DNMT3A: variants seen among roughly 807,000 people sequenced by gnomAD.
The protein encoded by DNMT3A is DNA methyltransferase 3 alpha, also known as DNA (cytosine-5)-methyltransferase 3A.
Under a neutral mutation model 117.6 loss-of-function variants are expected in DNMT3A, and 267 were observed. That is an observed-to-expected ratio of 2.27 (90% CI 2.05 to 2.51). DNMT3A has a LOEUF of 2.51. Ranked by LOEUF, DNMT3A falls within the 30% of genes most tolerant of loss-of-function variation. The pLI, the probability that DNMT3A is intolerant of heterozygous loss-of-function variation, is 0.00. For missense variants in DNMT3A, 1,029 were observed against 1,260.2 expected (o/e 0.82, Z 2.78); for synonymous variants, 432 against 474.8 (o/e 0.91, Z 1.17).
At chr2:25,250,866 C>T (rs903671555) in intron 6 of DNMT3A, among the ~76,000 whole-genome samples, 2 of 152,230 alleles carry the variant, frequency 1.3e-5, no homozygotes, top group Non-Finnish European at 2.9e-5. Flanking sequence ...GCAGCGGCAG[C>T]AGCAGGTGGG....
At chr2:25,267,667 T>C (rs2030478873) in intron 6 of DNMT3A, among the ~76,000 whole-genome samples, 1 of 152,220 alleles carries the variant, frequency 6.6e-6, no homozygotes. Context: ...TTCTAAAAAA[T>C]TATAAAGTTC....
Position 25,323,927 on chromosome 2 carries a change from G to A in DNMT3A, c.-177-9766C>T, listed in dbSNP as rs547330243. On this transcript the variant is annotated intron_variant, in intron 1 of 22. Transcript: ENST00000321117. ...AAAACTGCCCAAGGTCACACAGTGGGTAAGGGGTGGAGCCAGGCACAGTCC... is the reference window on the plus strand; with the variant it reads ...AAAACTGCCCAAGGTCACACAGTGGATAAGGGGTGGAGCCAGGCACAGTCC... 1.2e-4 allele frequency among the ~76,000 whole-genome samples: 18 copies of A among 152,280 alleles called. No homozygotes were observed. In the South Asian group the frequency reaches 1.9e-3, roughly 16 times the overall value.
chr2:25,258,181 G>A (rs917751130), intron 6 of DNMT3A, among the ~76,000 whole-genome samples: 4 of 152,224 alleles, frequency 2.6e-5, no homozygotes, highest in African/African-American at 9.7e-5. Flanking sequence ...GATGATTTGG[G>A]CTAAAAGAGA....
chr2:25,338,348 G>A (rs2035286690), intron 1 of DNMT3A, among the ~76,000 whole-genome samples: 3 of 152,236 alleles, frequency 2.0e-5, no homozygotes, highest in African/African-American at 7.2e-5. Flanking sequence ...TGGGGAGAGG[G>A]TGGTCTGTTT....
At chr2:25,319,257 G>A (rs183122614) in intron 1 of DNMT3A, among the ~76,000 whole-genome samples, 99 of 151,798 alleles carry the variant, frequency 6.5e-4, no homozygotes, top group Middle Eastern at 3.4e-3. Context: ...CTGGTGATCC[G>A]CCCGCCTTAG....
In DNMT3A at chr2:25,245,236, G is replaced by A. The variant is rs765210668; in HGVS notation, c.1554+17C>T. ...GCCGGCCTCAACGGCACCTCTCCTG[G>A]GTGGGTGTGCTCCTACCTTGCAGTT... On this transcript the variant is annotated intron_variant, in intron 13 of 22. Coordinates refer to ENST00000321117, the MANE Select transcript of DNMT3A (RefSeq NM_022552.5). 1 of 1,613,004 alleles carries A rather than the reference G, an allele frequency of 6.2e-7. No individual in the cohort carries two copies. The highest frequency in any genetic ancestry group is 1.7e-5 in the Admixed American group (1 of 60,004).
At chr2:25,245,920 G>A (rs1254127926) in intron 12 of DNMT3A, 100 bp downstream of exon 12, 23 of 1,436,632 alleles carry the variant, frequency 1.6e-5, no homozygotes, top group Non-Finnish European at 2.0e-6. Flanking sequence ...CACGCAGGAC[G>A]TGGCCCCTGG....
At position 25,237,680 on chromosome 2, in the gene DNMT3A, G is replaced by A. The variant is rs549541750; in HGVS notation, c.2409-675C>T. 2.0e-5 allele frequency among the ~76,000 whole-genome samples: 3 copies of A among 151,922 alleles called. No homozygotes were observed. Among genetic ancestry groups the A allele is most frequent in the East Asian group, 1.9e-4 (1 of 5,170 alleles). ...CTCGGGAGGCTGAGGCAGGAGAATC[G>A]CTTGAACCTGGGAGGCGGAGGCTGC... On this transcript the variant is annotated intron_variant, in intron 20 of 22. Transcript: ENST00000321117. The surrounding 1 kb of genome is among the most constrained non-coding windows in gnomAD (Gnocchi z 5.4).
chr2:25,246,112 C>G (rs781673289), intron 11 of DNMT3A, 48 bp from the exon 12 acceptor site: 2 of 1,614,196 alleles, frequency 1.2e-6, no homozygotes, highest in South Asian at 2.2e-5. Flanking sequence ...GCCTGCTCCT[C>G]GGATGCAGGC....
chr2:25,235,889 G>T, intron 21 of DNMT3A, 64 bp from the exon 22 acceptor site: 2 of 1,436,862 alleles, frequency 1.4e-6, no homozygotes, highest in Non-Finnish European at 2.0e-6. Context: ...CTGGTCATGC[G>T]TCTACCAAAT....
chr2:25,276,161 G>A (rs2031392755), intron 4 of DNMT3A, among the ~76,000 whole-genome samples: 1 of 152,046 alleles, frequency 6.6e-6, no homozygotes, highest in Admixed American at 6.6e-5. Context: ...GATTTCCAAG[G>A]TCCGCCTGCA....
chr2:25,259,231 C>T (rs1237547297), intron 6 of DNMT3A, among the ~76,000 whole-genome samples: 3 of 152,242 alleles, frequency 2.0e-5, no homozygotes, highest in Non-Finnish European at 4.4e-5. Context: ...CTTCCACCCG[C>T]TATCCTGGAA....
Position 25,280,299 on chromosome 2 carries a change from C to A in DNMT3A, c.448+2142G>T, listed in dbSNP as rs190579914. ...ATCACACACACTGCCCACTCCCCGC[C>A]TCCCCACCCCCCGCCTCCCCGCCCC... On this transcript the variant is annotated intron_variant, in intron 4 of 22. Coordinates refer to ENST00000321117, the MANE Select transcript of DNMT3A (RefSeq NM_022552.5). 5.3e-3 allele frequency among the ~76,000 whole-genome samples: 621 copies of A among 118,268 alleles called. 7 individuals are homozygous for A. The highest frequency in any genetic ancestry group is 0.019 in the African/African-American group (593 of 31,232). The allele number at this position is 118,268 out of a possible 152,430, so 77.6% of individuals were successfully genotyped here.
At chr2:25,253,617 G>A in intron 6 of DNMT3A, among the ~76,000 whole-genome samples, 1 of 152,196 alleles carries the variant, frequency 6.6e-6, no homozygotes, top group East Asian at 1.9e-4. Context: ...GGTATATTCT[G>A]TAGCAGGGAA....
At position 25,313,978 on chromosome 2, in the gene DNMT3A, C is replaced by T. The variant is rs745380962; in HGVS notation, c.7G>A (p.Ala3Thr). The part of the protein sequence containing the change: MP[A>T]MPSSGPGDTS... ...TCCCCGGGGCCGCTGGAGGGCATGG[C>T]GGGCATCTGGGCGCCGGGAGGCAGG... The change falls in exon 2 of 23, where the codon GCC (alanine) becomes ACC (threonine). Residue 3 changes from alanine (A) to threonine (T), a missense_variant. Ala to Thr is a moderately conservative substitution (Grantham distance 58). Coordinates refer to ENST00000321117, the MANE Select transcript of DNMT3A (RefSeq NM_022552.5). 1.9e-5 allele frequency: 29 copies of T among 1,544,312 alleles called. No individual in the cohort carries two copies. Among genetic ancestry groups the T allele is most frequent in the South Asian group, 6.0e-5 (5 of 83,282 alleles).
intron 1 of DNMT3A, among the ~76,000 whole-genome samples, chr2:25,316,034 C>T (rs893344920): frequency 6.6e-5 from 10 of 152,242 alleles, no homozygotes; most frequent in African/African-American, 2.2e-4. Context: ...AGAGCAGGAC[C>T]CCTTCTATTA....
intron 2 of DNMT3A, among the ~76,000 whole-genome samples, chr2:25,313,450 C>G (rs926532287): frequency 6.6e-6 from 1 of 152,164 alleles, no homozygotes; most frequent in South Asian, 2.1e-4. Context: ...GAGGGTGGGC[C>G]CCCGCGGCCT....
chr2:25,242,084 C>A (rs1674140149), intron 16 of DNMT3A: 1 of 235,840 alleles, frequency 4.2e-6, no homozygotes, highest in South Asian at 5.8e-5. Context: ...TTCTACCCCA[C>A]CCTTTGACTC....
rs967285421 is a variant in DNMT3A, at chr2:25,314,119, G to A, written c.-135C>T. 133 of 1,428,642 alleles carry A rather than the reference G, an allele frequency of 9.3e-5. No homozygotes were observed. The Admixed American group carries it at 2.2e-3, about 23-fold the overall frequency. The allele number at this position is 1,428,642 out of a possible 1,614,324, so 88.5% of individuals were successfully genotyped here. On this transcript the variant is annotated 5_prime_UTR_variant, in exon 2 of 23. Coordinates refer to ENST00000321117, the MANE Select transcript of DNMT3A (RefSeq NM_022552.5). The stretch of plus-strand genomic sequence containing the variant: ...CCCGGTGTTGAGCCCTCTGGTGAAC[G>A]GTGCCTCTGTCAGCCTGTGGGTGGG...
Sources: allele counts gnomAD v4.1 joint callset (sites outside exome capture counted in the v4.1 genomes callset), GRCh38; gene constraint gnomAD v4.1.1; non-coding constraint Gnocchi (gnomAD v3.1); transcripts MANE v1.5; gene names NCBI Gene and HGNC (gene_info 2026-07-23, HGNC 2026-07-21).